The following DAB1 variants were observed in gnomAD, a reference collection of about 807,000 sequenced individuals.
The protein encoded by DAB1 is disabled homolog 1.
A neutral mutation model predicts 64.6 loss-of-function variants in DAB1; 15 were observed. The ratio of observed to expected loss-of-function variants is 0.23; its 90% confidence interval spans 0.16 to 0.36. DAB1 has a LOEUF of 0.36. DAB1 is among the 10% of genes least tolerant of loss of function. DAB1 has a pLI of 1.00. For missense variants in DAB1, 596 were observed against 706.7 expected (o/e 0.84, Z 1.78); for synonymous variants, 235 against 251.9 (o/e 0.93, Z 0.64).
At chr1:58,320,860 C>T (rs1453794926) in intron 4 of DAB1, among the ~76,000 whole-genome samples, 2 of 152,172 alleles carry the variant, frequency 1.3e-5, no homozygotes, top group East Asian at 3.8e-4. Flanking sequence ...CAGATGGGTT[C>T]AGCCAATGGG....
intron 7 of DAB1, among the ~76,000 whole-genome samples, chr1:57,564,654 A>C (rs1325100245): frequency 2.0e-5 from 3 of 152,250 alleles, no homozygotes; most frequent in Non-Finnish European, 4.4e-5. Flanking sequence ...TTCAGAAGCC[A>C]ATCTGATCAA....
chr1:57,702,069 T>C, intron 6 of DAB1, among the ~76,000 whole-genome samples: 1 of 152,144 alleles, frequency 6.6e-6, no homozygotes, highest in East Asian at 1.9e-4. Flanking sequence ...CTTGAGGACA[T>C]ATGTTTATGT....
intron 6 of DAB1, among the ~76,000 whole-genome samples, chr1:57,781,548 C>T (rs1569665052): frequency 6.6e-6 from 1 of 151,918 alleles, no homozygotes; most frequent in Admixed American, 6.6e-5. Context: ...TCCCAATTTA[C>T]AGATGGAGAA....
chr1:57,883,031 T>C (rs1644169025), intron 1 of DAB1, among the ~76,000 whole-genome samples: 1 of 152,206 alleles, frequency 6.6e-6, no homozygotes, highest in African/African-American at 2.4e-5. Context: ...ATATCATGCA[T>C]ACAGTTTTGA....
intron 5 of DAB1, among the ~76,000 whole-genome samples, chr1:58,110,265 AAC>A (rs1210841892): frequency 1.3e-5 from 2 of 152,198 alleles, no homozygotes; most frequent in Non-Finnish European, 2.9e-5. Context: ...AAATAAGCAA[AAC>A]ACAATACTTT....
At chr1:57,503,637 C>A (rs984091720) in intron 7 of DAB1, among the ~76,000 whole-genome samples, 2 of 152,228 alleles carry the variant, frequency 1.3e-5, no homozygotes, top group East Asian at 3.9e-4. Flanking sequence ...TCATGCCCTG[C>A]CGGGCAATAT....
At chr1:58,197,937 C>T (rs4545360) in intron 4 of DAB1, among the ~76,000 whole-genome samples, 1 of 152,156 alleles carries the variant, frequency 6.6e-6, no homozygotes, top group Non-Finnish European at 1.5e-5. Flanking sequence ...AAATGTAAAT[C>T]TATTCCCATC....
chr1:58,068,779 A>AT (rs1436375558), intron 5 of DAB1, among the ~76,000 whole-genome samples: 1 of 150,142 alleles, frequency 6.7e-6, no homozygotes, highest in African/African-American at 2.5e-5. Context: ...AAAAAAAAAA[A>AT]ACCAAAAAAA....
At position 57,735,925 on chromosome 1, in the gene DAB1, A is replaced by T. The variant is rs114446355; in HGVS notation, n.552-86260T>A. Among the ~76,000 whole-genome samples, 860 of 152,270 alleles carry T rather than the reference A, an allele frequency of 5.6e-3. 3 individuals carry two copies. Among genetic ancestry groups the T allele is most frequent in the Middle Eastern group, 0.01 (3 of 294 alleles). ...AGAATAAAATCAATGGGATGTAAAG[A>T]AATGATAGCCTTTTTGGTTCTTAAA... On this transcript the variant is annotated intron_variant and non_coding_transcript_variant, in intron 6 of 20. Coordinates refer to the DAB1 transcript ENST00000485760.
intron 1 of DAB1, among the ~76,000 whole-genome samples, chr1:57,357,991 T>C (rs1679259088): frequency 6.6e-6 from 1 of 152,076 alleles, no homozygotes; most frequent in Non-Finnish European, 1.5e-5. Context: ...TTTTCATATG[T>C]TGATTTTGTA....
intron 9 of DAB1, among the ~76,000 whole-genome samples, chr1:57,027,559 C>T (rs558444056): frequency 1.4e-4 from 22 of 152,310 alleles, no homozygotes; most frequent in African/African-American, 3.1e-4. Context: ...TACCCCCCAA[C>T]AGGGGGTATA....
chr1:58,436,139 G>A (rs1016508267), intron 3 of DAB1, among the ~76,000 whole-genome samples: 7 of 152,226 alleles, frequency 4.6e-5, no homozygotes, highest in Non-Finnish European at 8.8e-5. Flanking sequence ...TTGGCTCTGT[G>A]ATCGCAGGCA....
At chr1:57,104,169 G>A (rs947859040) in intron 4 of DAB1, among the ~76,000 whole-genome samples, 3 of 152,032 alleles carry the variant, frequency 2.0e-5, no homozygotes, top group Admixed American at 6.6e-5. Context: ...AGAGACATAT[G>A]AAAACCATAG....
At chr1:57,514,505 T>C (rs1644442092) in intron 7 of DAB1, among the ~76,000 whole-genome samples, 2 of 152,228 alleles carry the variant, frequency 1.3e-5, no homozygotes, top group South Asian at 4.1e-4. Flanking sequence ...CTTCATGAAA[T>C]CAGTGACTTT....
rs189152186 is a variant in DAB1 at position 58,249,791 on chromosome 1, G to A, written n.309+93561C>T. ...GGGAGCAAGAGCCGCTTGTCTCGGG[G>A]GATTCCGCTTGGGGGGTTCCCAGGG... On this transcript the variant is annotated intron_variant and non_coding_transcript_variant, in intron 4 of 20. Transcript: ENST00000485760. 8.1e-4 allele frequency among the ~76,000 whole-genome samples: 124 copies of A among 152,278 alleles called. 1 individual carries two copies. The highest frequency in any genetic ancestry group is 2.5e-3 in the African/African-American group (103 of 41,594).
intron 1 of DAB1, among the ~76,000 whole-genome samples, chr1:57,326,253 G>C (rs1001088244): frequency 6.6e-6 from 1 of 152,202 alleles, no homozygotes; most frequent in Non-Finnish European, 1.5e-5. Flanking sequence ...AATGCACTTA[G>C]AAACATTCAA....
At chr1:57,080,722 AAAGAG>A (rs1446740507) in intron 4 of DAB1, among the ~76,000 whole-genome samples, 1 of 151,360 alleles carries the variant, frequency 6.6e-6, no homozygotes, top group African/African-American at 2.4e-5. Flanking sequence ...ATATTTTGTT[AAAGAG>A]AAGTTACAAC....
At chr1:57,191,412 A>C (rs907921440) in intron 2 of DAB1, among the ~76,000 whole-genome samples, 5 of 152,292 alleles carry the variant, frequency 3.3e-5, no homozygotes, top group Admixed American at 6.5e-5. Context: ...AACACAGTCT[A>C]TATTGGGTCT....
intron 5 of DAB1, among the ~76,000 whole-genome samples, chr1:58,097,977 T>G (rs147450431): frequency 5.4e-4 from 82 of 152,278 alleles, no homozygotes; most frequent in African/African-American, 1.9e-3. Context: ...AATAGTTACA[T>G]CAGGGACTCT....
Sources: allele counts gnomAD v4.1 joint callset (sites outside exome capture counted in the v4.1 genomes callset), GRCh38; gene constraint gnomAD v4.1.1; transcripts MANE v1.5; gene names NCBI Gene and HGNC (gene_info 2026-07-23, HGNC 2026-07-21).